Variants in DSCAM observed in about 807,000 individuals in gnomAD.
DSCAM encodes the protein DS cell adhesion molecule.
In DSCAM, 47 loss-of-function variants were observed where a neutral mutation model predicts 217.7. The observed-to-expected ratio is 0.22, with a 90% CI of 0.17 to 0.28. The LOEUF is 0.28. Among genes scored for constraint, DSCAM ranks in the 10% least tolerant of loss-of-function variants. DSCAM has a pLI of 1.00. For synonymous variants in DSCAM, 1,056 were observed against 1,015.3 expected (o/e 1.04, Z -0.76); for missense variants, 2,080 against 2,618.3 (o/e 0.79, Z 4.49).
intron 1 of DSCAM, among the ~76,000 whole-genome samples, chr21:40,813,953 C>T (rs975603272): frequency 3.9e-5 from 6 of 152,196 alleles, no homozygotes; most frequent in African/African-American, 9.6e-5. Flanking sequence ...CCAGTTTTGA[C>T]GGTTTCTTTT....
intron 3 of DSCAM, among the ~76,000 whole-genome samples, chr21:40,635,387 A>T (rs1318491136): frequency 6.6e-6 from 1 of 152,202 alleles, no homozygotes; most frequent in Non-Finnish European, 1.5e-5. Context: ...CGTGTCAGTA[A>T]ATGATGCAGC....
chr21:40,391,888 C>T (rs1310577249), intron 3 of DSCAM, among the ~76,000 whole-genome samples: 3 of 152,180 alleles, frequency 2.0e-5, no homozygotes, highest in South Asian at 2.1e-4. Context: ...TCATCTCACA[C>T]GCCAGGAAGT....
intron 1 of DSCAM, among the ~76,000 whole-genome samples, chr21:40,712,469 CAAAAAAAAAAAAAAAAA>C (rs571819417): frequency 1.5e-4 from 4 of 27,332 alleles, no homozygotes; most frequent in African/African-American, 4.5e-4. Context: ...GACTCCGTCT[CAAAAAAAAAAAAAAAAA>C]AAAAAAAAAA....
intron 3 of DSCAM, among the ~76,000 whole-genome samples, chr21:40,454,220 A>G (rs2075745076): frequency 6.6e-6 from 1 of 152,220 alleles, no homozygotes; most frequent in Non-Finnish European, 1.5e-5. Flanking sequence ...TTTCATTCCC[A>G]GTTATGAAAG....
intron 1 of DSCAM, among the ~76,000 whole-genome samples, chr21:40,712,332 G>A (rs534533912): frequency 8.0e-4 from 121 of 151,700 alleles, no homozygotes; most frequent in South Asian, 2.9e-3. Context: ...GCACGGTGGC[G>A]GGCGCCTGTA....
At chr21:40,063,228 G>A (rs1416204607) in intron 27 of DSCAM, among the ~76,000 whole-genome samples, 1 of 152,046 alleles carries the variant, frequency 6.6e-6, no homozygotes, top group Admixed American at 6.6e-5. Context: ...TTAACATTTT[G>A]AGGGTATATC....
chr21:40,489,581 C>T (rs887703884), intron 3 of DSCAM, among the ~76,000 whole-genome samples: 6 of 151,486 alleles, frequency 4.0e-5, no homozygotes, highest in Admixed American at 2.0e-4. Context: ...GAGACCATCC[C>T]GGCTAAAACG....
intron 32 of DSCAM, among the ~76,000 whole-genome samples, chr21:40,017,902 G>A (rs1170224458): frequency 6.6e-6 from 1 of 152,170 alleles, no homozygotes; most frequent in African/African-American, 2.4e-5. Flanking sequence ...CTTGTAAAAA[G>A]GGTTTTGGTA....
intron 32 of DSCAM, among the ~76,000 whole-genome samples, chr21:40,031,929 T>C (rs1184893383): frequency 6.6e-6 from 1 of 152,220 alleles, no homozygotes; most frequent in East Asian, 1.9e-4. Flanking sequence ...GTCAGCCTTG[T>C]CTTCCTTGCC....
At chr21:40,080,371 A>G (rs7277487) in intron 24 of DSCAM, 31 bp from the exon 25 acceptor site, 2 of 1,519,406 alleles carry the variant, frequency 1.3e-6, no homozygotes, top group South Asian at 1.3e-5. Flanking sequence ...TCACATGAGC[A>G]CTGTGTTTGC....
chr21:40,668,135 C>T (rs1230026382), intron 3 of DSCAM, among the ~76,000 whole-genome samples: 3 of 152,194 alleles, frequency 2.0e-5, no homozygotes, highest in African/African-American at 7.2e-5. Context: ...CAGTCACTAG[C>T]CATCCTCTAC....
chr21:40,728,375 G>C (rs114370588), intron 1 of DSCAM, among the ~76,000 whole-genome samples: 5,052 of 151,860 alleles, frequency 0.033, 84 homozygotes, highest in Middle Eastern at 0.079. Context: ...ATAAGTCTCA[G>C]TGACATATAG....
At chr21:40,438,908 C>T (rs1258178933) in intron 3 of DSCAM, among the ~76,000 whole-genome samples, 1 of 151,934 alleles carries the variant, frequency 6.6e-6, no homozygotes, top group Non-Finnish European at 1.5e-5. Context: ...ATAAATTTTA[C>T]AATTTTTTTT....
At chr21:40,261,765 A>G (rs1235613634) in intron 11 of DSCAM, among the ~76,000 whole-genome samples, 1 of 152,106 alleles carries the variant, frequency 6.6e-6, no homozygotes, top group Non-Finnish European at 1.5e-5. Flanking sequence ...CTATCTCTCT[A>G]TATGTCTTAT....
chr21:40,794,724 G>A (rs2091676233), intron 1 of DSCAM, among the ~76,000 whole-genome samples: 1 of 150,520 alleles, frequency 6.6e-6, no homozygotes, highest in Non-Finnish European at 1.5e-5. Flanking sequence ...TAGCTGGTCT[G>A]CAAATTATTT....
intron 3 of DSCAM, among the ~76,000 whole-genome samples, chr21:40,541,028 T>C (rs560294608): frequency 6.6e-6 from 1 of 152,262 alleles, no homozygotes; most frequent in South Asian, 2.1e-4. Context: ...CAAAACTAAA[T>C]GTTATAAATA....
At chr21:40,809,357 T>C (rs2123534616) in intron 1 of DSCAM, among the ~76,000 whole-genome samples, 1 of 151,888 alleles carries the variant, frequency 6.6e-6, no homozygotes, top group African/African-American at 2.4e-5. Context: ...TGACTGGGGG[T>C]GGGACTTCAA....
intron 6 of DSCAM, among the ~76,000 whole-genome samples, chr21:40,341,467 C>T (rs1029757760): frequency 6.6e-6 from 1 of 152,124 alleles, no homozygotes; most frequent in African/African-American, 2.4e-5. Flanking sequence ...ATTTTACATA[C>T]AGTGAAATAT....
chr21:40,141,489 G>A (rs571122140), intron 18 of DSCAM, among the ~76,000 whole-genome samples: 3 of 152,292 alleles, frequency 2.0e-5, no homozygotes, highest in Non-Finnish European at 2.9e-5. Context: ...GGTGGTGCAC[G>A]CCTGCAATCC....
Sources: allele counts gnomAD v4.1 joint callset (sites outside exome capture counted in the v4.1 genomes callset), GRCh38; gene constraint gnomAD v4.1.1; transcripts MANE v1.5; gene names NCBI Gene and HGNC (gene_info 2026-07-23, HGNC 2026-07-21).